The following CCDC171 variants were observed in gnomAD, a reference collection of about 807,000 sequenced individuals.
CCDC171 encodes coiled-coil domain-containing protein 171.
In CCDC171, 177 loss-of-function variants were observed where a neutral mutation model predicts 168.2. That is an observed-to-expected ratio of 1.05 (90% CI 0.93 to 1.19). The LOEUF is 1.19. Among genes scored for constraint, CCDC171 ranks in the 50% most tolerant of loss-of-function variants. CCDC171 has a pLI of 0.00. For synonymous variants in CCDC171, 687 were observed against 540.8 expected (o/e 1.27, Z -3.75); for missense variants, 1,991 against 1,539.0 (o/e 1.29, Z -4.91).
At chr9:15,641,819 G>A (rs1487419590) in intron 7 of CCDC171, among the ~76,000 whole-genome samples, 1 of 152,166 alleles carries the variant, frequency 6.6e-6, no homozygotes, top group Non-Finnish European at 1.5e-5. Flanking sequence ...GAAAGGACAT[G>A]GCAGTCAGCT....
intron 24 of CCDC171, among the ~76,000 whole-genome samples, chr9:15,882,003 T>C (rs1818717548): frequency 6.6e-6 from 1 of 152,204 alleles, no homozygotes; most frequent in South Asian, 2.1e-4. Context: ...TTTTTAGTTT[T>C]TTGAGGAAAC....
At chr9:15,757,604 A>T (rs901041934) in intron 18 of CCDC171, among the ~76,000 whole-genome samples, 1 of 152,204 alleles carries the variant, frequency 6.6e-6, no homozygotes, top group Non-Finnish European at 1.5e-5. Flanking sequence ...CTTAAGTAAC[A>T]ATTAGCTGAA....
At position 15,578,852 on chromosome 9, in the gene CCDC171, G is replaced by T. The variant is rs772190980; in HGVS notation, c.181G>T (p.Ala61Ser). Residue 61 changes from alanine to serine, a missense_variant, in exon 4 of 26, where the codon GCA becomes TCA. Coordinates refer to ENST00000380701, the MANE Select transcript of CCDC171 (RefSeq NM_173550.4). ...GATATCAGGAATCTGTTTTTAGCTG[G>T]CAAGCTATGAGAGCCAGATTGCCAA... ...EITTKHNAELASYESQIAKLR... is the reference protein window; with the variant it reads ...EITTKHNAELSSYESQIAKLR... The T allele has an allele frequency of 3.4e-5, 54 of 1,610,814 alleles. 1 individual carries two copies. The highest frequency in any genetic ancestry group is 3.3e-4 in the Middle Eastern group (2 of 6,040).
chr9:15,722,364 A>G (rs1322609518), intron 12 of CCDC171, among the ~76,000 whole-genome samples: 1 of 152,244 alleles, frequency 6.6e-6, no homozygotes, highest in Non-Finnish European at 1.5e-5. Flanking sequence ...TTTAAAAAAC[A>G]AATATCTGTT....
At chr9:15,632,650 T>C (rs1433801147) in intron 7 of CCDC171, among the ~76,000 whole-genome samples, 1 of 152,170 alleles carries the variant, frequency 6.6e-6, no homozygotes, top group Non-Finnish European at 1.5e-5. Context: ...ATGACTTTCT[T>C]CACAGAATTG....
At chr9:15,988,483 A>T (rs1030068159) in intron 3 of CCDC171, among the ~76,000 whole-genome samples, 1 of 152,216 alleles carries the variant, frequency 6.6e-6, no homozygotes, top group Admixed American at 6.5e-5. Context: ...TCCAGTCTAC[A>T]GTTCCCAGCT....
intron 23 of CCDC171, among the ~76,000 whole-genome samples, chr9:15,867,304 T>C (rs2061830994): frequency 6.6e-6 from 1 of 152,012 alleles, no homozygotes; most frequent in South Asian, 2.1e-4. Context: ...TAATAATATA[T>C]AGTTATTTTT....
At chr9:15,918,964 A>C (rs1346829689) in intron 24 of CCDC171, among the ~76,000 whole-genome samples, 1 of 151,672 alleles carries the variant, frequency 6.6e-6, no homozygotes, top group Non-Finnish European at 1.5e-5. Flanking sequence ...ACAAGTACTC[A>C]CTATCCCTGA....
intron 3 of CCDC171, among the ~76,000 whole-genome samples, chr9:15,981,102 TGA>T (rs1831781708): frequency 6.6e-6 from 1 of 152,164 alleles, no homozygotes; most frequent in South Asian, 2.1e-4. Context: ...CGTGCCCCCA[TGA>T]TTCAGTTACC....
At chr9:15,790,727 C>T (rs201695190) in intron 21 of CCDC171, among the ~76,000 whole-genome samples, 1 of 152,072 alleles carries the variant, frequency 6.6e-6, no homozygotes, top group Non-Finnish European at 1.5e-5. Context: ...TTTATGGTTT[C>T]AGGTCTAACA....
intron 6 of CCDC171, among the ~76,000 whole-genome samples, chr9:15,620,846 C>G (rs1221873499): frequency 2.6e-5 from 4 of 152,168 alleles, no homozygotes; most frequent in African/African-American, 4.8e-5. Context: ...TGCTACCACC[C>G]TCATCAGTCA....
intron 24 of CCDC171, among the ~76,000 whole-genome samples, chr9:15,914,058 C>G (rs573388382): frequency 6.6e-6 from 1 of 152,326 alleles, no homozygotes; most frequent in South Asian, 2.1e-4. Context: ...AGCCGGAGCG[C>G]TTGTATATGA....
At chr9:16,093,000 G>T in the CCDC171 span, among the ~76,000 whole-genome samples, 1 of 152,158 alleles carries the variant, frequency 6.6e-6, no homozygotes, top group Non-Finnish European at 1.5e-5. Context: ...CCCCTCTGGG[G>T]GACATGACGA....
At chr9:15,957,202 C>A (rs1292827603) in intron 25 of CCDC171, among the ~76,000 whole-genome samples, 1 of 152,048 alleles carries the variant, frequency 6.6e-6, no homozygotes, top group African/African-American at 2.4e-5. Flanking sequence ...CAGGCAGACA[C>A]CATGCACCTT....
intron 6 of CCDC171, 55 bp from the exon 7 acceptor site, chr9:15,623,212 C>CTT: frequency 7.4e-7 from 1 of 1,345,688 alleles, no homozygotes; most frequent in South Asian, 1.6e-5. Flanking sequence ...TGGAGTGACT[C>CTT]TTAGTCATTG....
chr9:16,078,704 G>A, the CCDC171 span, among the ~76,000 whole-genome samples: 1 of 152,004 alleles, frequency 6.6e-6, no homozygotes, highest in Non-Finnish European at 1.5e-5. Context: ...TTAATTACAT[G>A]ACCCCAGGAT....
chr9:15,624,638 A>G (rs200716777), intron 7 of CCDC171, among the ~76,000 whole-genome samples: 1 of 152,156 alleles, frequency 6.6e-6, no homozygotes, highest in Non-Finnish European at 1.5e-5. Context: ...CAAGGGACAT[A>G]AACTCATCAT....
chr9:15,975,170 T>C (rs992557530), downstream of CCDC171, among the ~76,000 whole-genome samples: 1 of 152,152 alleles, frequency 6.6e-6, no homozygotes, highest in Non-Finnish European at 1.5e-5. Flanking sequence ...AAACTAATGA[T>C]CTCACAACAA....
chr9:15,836,446 A>G (rs1184211242), intron 21 of CCDC171, among the ~76,000 whole-genome samples: 3 of 152,016 alleles, frequency 2.0e-5, no homozygotes, highest in South Asian at 4.2e-4. Context: ...GCTTACTGCA[A>G]GCTCCGCCTC....
Sources: gnomAD v4.1 joint callset for allele counts (sites outside exome capture counted in the v4.1 genomes callset) on GRCh38, gnomAD v4.1.1 for gene constraint, MANE v1.5 for transcripts, NCBI Gene and HGNC (gene_info 2026-07-23, HGNC 2026-07-21) for gene names.